EPHA6: variants seen among roughly 807,000 people sequenced by gnomAD.
EPHA6 encodes ephrin type-A receptor 6.
A neutral mutation model predicts 112.0 loss-of-function variants in EPHA6; 50 were observed. The observed-to-expected ratio is 0.45, with a 90% CI of 0.36 to 0.56. EPHA6 has a LOEUF of 0.56. Among genes scored for constraint, EPHA6 ranks in the 20% least tolerant of loss-of-function variants. The pLI, the probability that EPHA6 is intolerant of heterozygous loss-of-function variation, is 0.00. For missense variants in EPHA6, 1,280 were observed against 1,417.4 expected (o/e 0.90, Z 1.56); for synonymous variants, 529 against 490.7 (o/e 1.08, Z -1.03).
chr3:97,543,900 A>G (rs1397585369), intron 11 of EPHA6, among the ~76,000 whole-genome samples: 2 of 151,736 alleles, frequency 1.3e-5, no homozygotes, highest in African/African-American at 2.4e-5. Context: ...TCTGTCTGTT[A>G]TTGGTGTATA....
At chr3:97,214,032 T>A (rs1209400555) in intron 3 of EPHA6, among the ~76,000 whole-genome samples, 25 of 136,902 alleles carry the variant, frequency 1.8e-4, no homozygotes, top group African/African-American at 8.1e-4. Context: ...TGTGTGTGTG[T>A]GTGTGTGAGA....
intron 14 of EPHA6, among the ~76,000 whole-genome samples, chr3:97,647,622 A>T (rs540559122): frequency 2.6e-5 from 4 of 152,294 alleles, no homozygotes; most frequent in African/African-American, 7.2e-5. Context: ...AACAATACAT[A>T]TATAATTAGT....
intron 2 of EPHA6, among the ~76,000 whole-genome samples, chr3:96,870,916 TAGA>T (rs1449146113): frequency 6.6e-6 from 1 of 152,048 alleles, no homozygotes; most frequent in Non-Finnish European, 1.5e-5. Flanking sequence ...TTCATCATAG[TAGA>T]AGATTTCAGT....
At chr3:96,876,661 T>C (rs556333051) in intron 2 of EPHA6, among the ~76,000 whole-genome samples, 1 of 152,146 alleles carries the variant, frequency 6.6e-6, no homozygotes, top group South Asian at 2.1e-4. Flanking sequence ...ACCTCCACTT[T>C]CCAGCTTTTT....
chr3:97,669,587 T>G (rs1275154698), intron 14 of EPHA6, among the ~76,000 whole-genome samples: 1 of 147,826 alleles, frequency 6.8e-6, no homozygotes, highest in African/African-American at 2.5e-5. Context: ...CATAGTGATA[T>G]CCCATCTTAA....
intron 10 of EPHA6, among the ~76,000 whole-genome samples, chr3:97,491,976 T>C (rs550047073): frequency 4.9e-4 from 74 of 152,202 alleles, no homozygotes; most frequent in African/African-American, 1.7e-3. Context: ...ATTTTACTGG[T>C]CAATGGGAAC....
intron 10 of EPHA6, among the ~76,000 whole-genome samples, chr3:97,497,050 C>T (rs553443661): frequency 1.5e-4 from 23 of 152,286 alleles, no homozygotes; most frequent in African/African-American, 4.3e-4. Context: ...CCACCAACAC[C>T]TCTCCTAGCC....
intron 14 of EPHA6, among the ~76,000 whole-genome samples, chr3:97,711,051 T>C (rs2033941305): frequency 6.6e-6 from 1 of 152,218 alleles, no homozygotes; most frequent in African/African-American, 2.4e-5. Context: ...AAATTTCATC[T>C]TGAATTCCCA....
chr3:97,431,660 C>T (rs180677643), intron 6 of EPHA6, among the ~76,000 whole-genome samples: 38 of 152,238 alleles, frequency 2.5e-4, no homozygotes, highest in African/African-American at 8.7e-4. Context: ...CTGTTATCCA[C>T]AACTCCTTGG....
chr3:97,677,005 A>C (rs2031449762), intron 14 of EPHA6, among the ~76,000 whole-genome samples: 1 of 152,212 alleles, frequency 6.6e-6, no homozygotes, highest in Non-Finnish European at 1.5e-5. Flanking sequence ...AACACTTGGA[A>C]ATGTGACTTG....
intron 2 of EPHA6, among the ~76,000 whole-genome samples, chr3:96,906,918 T>G (rs1377333862): frequency 2.0e-5 from 3 of 151,924 alleles, no homozygotes; most frequent in Non-Finnish European, 2.9e-5. Flanking sequence ...TGTAAAACAC[T>G]AATTTCGAGA....
chr3:96,922,358 A>T (rs2039810369), intron 2 of EPHA6, among the ~76,000 whole-genome samples: 1 of 152,190 alleles, frequency 6.6e-6, no homozygotes, highest in Non-Finnish European at 1.5e-5. Context: ...AAGTGAAATG[A>T]TTGAGGGAAA....
chr3:97,292,681 G>A (rs754732166), intron 5 of EPHA6, among the ~76,000 whole-genome samples: 4 of 151,238 alleles, frequency 2.6e-5, no homozygotes, highest in Middle Eastern at 3.3e-3. Flanking sequence ...CCCAGCTAGC[G>A]TCCAGCTCTC....
chr3:97,310,468 T>TC (rs1474824046), intron 5 of EPHA6, among the ~76,000 whole-genome samples: 1 of 151,592 alleles, frequency 6.6e-6, no homozygotes, highest in Non-Finnish European at 1.5e-5. Flanking sequence ...TGATTGATTT[T>TC]CACCTGTGGG....
intron 2 of EPHA6, among the ~76,000 whole-genome samples, chr3:96,977,239 A>G (rs1307282494): frequency 1.3e-5 from 2 of 152,070 alleles, no homozygotes; most frequent in East Asian, 1.9e-4. Flanking sequence ...ACTGCAGGCT[A>G]TTATCTTAAA....
At chr3:97,570,998 A>G (rs1190448738) in intron 11 of EPHA6, among the ~76,000 whole-genome samples, 1 of 152,172 alleles carries the variant, frequency 6.6e-6, no homozygotes, top group Non-Finnish European at 1.5e-5. Flanking sequence ...AGGGTCAGCA[A>G]GAGAAAGGTC....
intron 10 of EPHA6, among the ~76,000 whole-genome samples, chr3:97,505,204 T>C (rs2092217088): frequency 6.6e-6 from 1 of 152,194 alleles, no homozygotes. Context: ...TTTATTATTA[T>C]TATACTTTAA....
intron 3 of EPHA6, among the ~76,000 whole-genome samples, chr3:96,997,014 G>A (rs903437223): frequency 6.6e-6 from 1 of 152,058 alleles, no homozygotes; most frequent in Non-Finnish European, 1.5e-5. Context: ...TACATCATCA[G>A]CACCTGCTGC....
intron 6 of EPHA6, among the ~76,000 whole-genome samples, chr3:97,443,581 T>A (rs2090217449): frequency 6.6e-6 from 1 of 152,080 alleles, no homozygotes; most frequent in South Asian, 2.1e-4. Context: ...CAAGACTGGG[T>A]GATTTATTTG....
Sources: gnomAD v4.1 joint callset for allele counts (sites outside exome capture counted in the v4.1 genomes callset) on GRCh38, gnomAD v4.1.1 for gene constraint, MANE v1.5 for transcripts, NCBI Gene and HGNC (gene_info 2026-07-23, HGNC 2026-07-21) for gene names.